COQ3: variants seen among roughly 807,000 people sequenced by gnomAD.
COQ3 encodes ubiquinone biosynthesis O-methyltransferase, mitochondrial.
A neutral mutation model predicts 33.1 loss-of-function variants in COQ3; 29 were observed. The observed-to-expected ratio is 0.88, with a 90% CI of 0.65 to 1.19. The LOEUF is 1.19. Among genes scored for constraint, COQ3 ranks in the 50% most tolerant of loss-of-function variants. The pLI is 0.00. For missense variants in COQ3, 437 were observed against 430.7 expected (o/e 1.01, Z -0.13); for synonymous variants, 173 against 157.8 (o/e 1.10, Z -0.72).
chr6:99,394,194 CCA>C, exon 1 of COQ3: 1 of 1,557,474 alleles, frequency 6.4e-7, no homozygotes, highest in Non-Finnish European at 8.7e-7. Context: ...ACAAACGATC[CCA>C]CCTCTTTTCC....
Position 99,383,743 on chromosome 6 carries a change from G to A in COQ3, c.188C>T (p.Ser63Phe), listed in dbSNP as rs1454448395. Residue 63 changes from serine (S) to phenylalanine (F), a missense_variant, in exon 2 of 7, where the codon TCC becomes TTC. Transcript: ENST00000254759. The stretch of plus-strand genomic sequence containing the variant: ...CAAACAGGAAAAGATCGTCCTGTAG[G>A]ATTTGAACCATATGGTTCTGTATTC... ...FNEYRTIWFKSYRTIFSCLNR... is the reference protein window; with the variant it reads ...FNEYRTIWFKFYRTIFSCLNR... 6.2e-7 allele frequency: 1 copy of A among 1,605,614 alleles called. No homozygotes were observed. Among genetic ancestry groups the A allele is most frequent in the Non-Finnish European group, 8.5e-7 (1 of 1,176,612 alleles).
intron 1 of COQ3, among the ~76,000 whole-genome samples, 191 bp from the exon 2 acceptor site, chr6:99,384,015 C>T (rs1774546681): frequency 6.6e-6 from 1 of 152,174 alleles, no homozygotes; most frequent in Non-Finnish European, 1.5e-5. Context: ...ATCCTCCCGC[C>T]TCAGCTTCCC....
At position 99,369,705 on chromosome 6, in the gene COQ3, G is replaced by C; in HGVS notation, c.1005C>G (p.Val335=). 1 of 1,613,726 alleles carries C rather than the reference G, an allele frequency of 6.2e-7. No homozygotes were observed. Among genetic ancestry groups the C allele is most frequent in the Non-Finnish European group, 8.5e-7 (1 of 1,179,890 alleles). Residue 335 remains valine (V), a synonymous_variant, in exon 7 of 7, where the codon GTC becomes GTG. Transcript: ENST00000254759. ...NYAAYAVKSR[V]QEHPASAEFV... is the part of the protein sequence containing the mutation. ...ACTCAGCAGAGGCTGGGTGTTCCTG[G>C]ACCCTGGATTTCACAGCATAAGCTG... is the stretch of plus-strand genomic sequence containing the variant.
intron 1 of COQ3, among the ~76,000 whole-genome samples, chr6:99,386,381 G>A (rs1338694176): frequency 6.6e-6 from 1 of 152,162 alleles, no homozygotes; most frequent in Admixed American, 6.6e-5. Context: ...AGTGAGCCGA[G>A]ATGGCTCCTC....
chr6:99,378,940 ATTTC>A (rs954199878), intron 3 of COQ3, among the ~76,000 whole-genome samples: 4 of 136,224 alleles, frequency 2.9e-5, no homozygotes, highest in Non-Finnish European at 6.3e-5. Context: ...CAAATGAACA[ATTTC>A]TTTCTTTTTT....
At chr6:99,371,328 G>A in intron 6 of COQ3, 100 bp downstream of exon 6, 1 of 692,298 alleles carries the variant, frequency 1.4e-6, no homozygotes, top group East Asian at 2.9e-5. Flanking sequence ...AAACATAGTG[G>A]CCTATTTTAT....
chr6:99,380,092 A>G, intron 3 of COQ3, 97 bp downstream of exon 3: 1 of 1,140,460 alleles, frequency 8.8e-7, no homozygotes, highest in Non-Finnish European at 1.2e-6. Flanking sequence ...AATGTGCAGC[A>G]TTTTTTAACT....
At chr6:99,371,290 T>C in intron 6 of COQ3, 138 bp downstream of exon 6, 1 of 571,068 alleles carries the variant, frequency 1.8e-6, no homozygotes, top group Non-Finnish European at 3.0e-6. Context: ...GTTTATGACC[T>C]AGTTGAGAAG....
chr6:99,371,277 T>A, intron 6 of COQ3, 151 bp downstream of exon 6: 1 of 534,118 alleles, frequency 1.9e-6, no homozygotes, highest in Admixed American at 4.1e-5. Context: ...CTAGCTTCCA[T>A]GAGTTTATGA....
At chr6:99,391,227 T>C (rs1357653431) in intron 1 of COQ3, among the ~76,000 whole-genome samples, 1 of 151,810 alleles carries the variant, frequency 6.6e-6, no homozygotes, top group Non-Finnish European at 1.5e-5. Flanking sequence ...GCCTATCCAG[T>C]AGCGAGGTCC....
intron 1 of COQ3, among the ~76,000 whole-genome samples, chr6:99,390,712 T>C (rs1413594236): frequency 6.6e-6 from 1 of 152,196 alleles, no homozygotes; most frequent in Non-Finnish European, 1.5e-5. Flanking sequence ...TTTTTGTTTT[T>C]GAGACAGGGT....
intron 1 of COQ3, 30 bp downstream of exon 1, chr6:99,394,044 C>A: frequency 6.4e-7 from 1 of 1,563,958 alleles, no homozygotes; most frequent in African/African-American, 1.4e-5. Context: ...CAATTGACTG[C>A]ATGCGAAGGA....
At chr6:99,375,810 G>C (rs1342450668) in intron 5 of COQ3, 130 bp downstream of exon 5, 3 of 915,360 alleles carry the variant, frequency 3.3e-6, no homozygotes, top group African/African-American at 1.7e-5. Flanking sequence ...CCTCATCCAG[G>C]CTTCCTGGTT....
intron 5 of COQ3, among the ~76,000 whole-genome samples, chr6:99,371,854 T>C (rs1265821143): frequency 6.6e-6 from 1 of 152,180 alleles, no homozygotes; most frequent in Non-Finnish European, 1.5e-5. Context: ...TTTATATTTA[T>C]ATATTCTTTT....
chr6:99,385,971 T>A (rs1310955628), intron 1 of COQ3, among the ~76,000 whole-genome samples: 1 of 90,248 alleles, frequency 1.1e-5, no homozygotes, highest in Non-Finnish European at 2.1e-5. Flanking sequence ...AGGAAGACTC[T>A]GTCTCAAAAA....
chr6:99,376,994 ATGTGTGTGTG>A (rs140372356), intron 4 of COQ3, among the ~76,000 whole-genome samples: 1 of 138,936 alleles, frequency 7.2e-6, no homozygotes, highest in East Asian at 2.3e-4. Context: ...AATATTATGG[ATGTGTGTGTG>A]TGTGTGTGTG....
Position 99,369,731 on chromosome 6 carries a change from C to A in COQ3, c.979G>T (p.Ala327Ser), listed in dbSNP as rs1774071493. 6.2e-7 allele frequency: 1 copy of A among 1,612,892 alleles called. No homozygotes were observed. Residue 327 changes from alanine to serine, a missense_variant, in exon 7 of 7, where the codon GCA (alanine) becomes TCA (serine). Coordinates refer to ENST00000254759, the MANE Select transcript of COQ3 (RefSeq NM_017421.4). ...HWSENTSLNYAAYAVKSRVQE... is the reference protein window; with the variant it reads ...HWSENTSLNYSAYAVKSRVQE... ...ACCCTGGATTTCACAGCATAAGCTG[C>A]ATAGTTAAGGCTGGTATTTTCACTC...
At chr6:99,387,759 A>G (rs1030750952) in intron 1 of COQ3, among the ~76,000 whole-genome samples, 1 of 152,246 alleles carries the variant, frequency 6.6e-6, no homozygotes, top group Non-Finnish European at 1.5e-5. Context: ...AAGAAAAGGA[A>G]ATAAAAGATA....
chr6:99,375,964 TA>T lies in COQ3; in HGVS notation c.704del (p.Leu235TyrfsTer8). The T allele has an allele frequency of 6.2e-7, 1 of 1,614,074 alleles. No homozygotes were observed. Among genetic ancestry groups the T allele is most frequent in the Non-Finnish European group, 8.5e-7 (1 of 1,179,998 alleles). The stretch of plus-strand genomic sequence containing the variant: ...CTTTTAACACTTGACAGCAGCACTG[TA>T]AAAATGTTTCTAGATCAATCACATG... ...VEHVIDLETF[L>X]QCCCQVLKPG... On this transcript the variant is annotated frameshift_variant, in exon 5 of 7. Coordinates refer to ENST00000254759, the MANE Select transcript of COQ3 (RefSeq NM_017421.4). LOFTEE classifies it high-confidence loss of function.
Sources: gnomAD v4.1 joint callset for allele counts (sites outside exome capture counted in the v4.1 genomes callset) on GRCh38, gnomAD v4.1.1 for gene constraint, MANE v1.5 for transcripts, NCBI Gene and HGNC (gene_info 2026-07-23, HGNC 2026-07-21) for gene names.